The following SND1 variants were observed in gnomAD, a reference collection of about 807,000 sequenced individuals.
SND1 encodes staphylococcal nuclease and tudor domain containing 1.
Under a neutral mutation model 121.7 loss-of-function variants are expected in SND1, and 38 were observed. The observed-to-expected ratio is 0.31, with a 90% CI of 0.24 to 0.41. The LOEUF is 0.41. Ranked by LOEUF, SND1 falls within the 10% of genes least tolerant of loss-of-function variation. The probability of loss-of-function intolerance (pLI) is 1.00; values close to 1 mark genes in which losing one functional copy is unlikely to be tolerated. For missense variants in SND1, 868 were observed against 1,184.6 expected (o/e 0.73, Z 3.92); for synonymous variants, 401 against 447.4 (o/e 0.90, Z 1.31).
At chr7:128,069,392 T>C (rs1362612841) in intron 16 of SND1, among the ~76,000 whole-genome samples, 2 of 152,140 alleles carry the variant, frequency 1.3e-5, no homozygotes, top group Admixed American at 6.5e-5. Context: ...ACAGGACCCC[T>C]CCTCATTTTA....
chr7:127,974,560 C>T (rs1802070504), intron 15 of SND1, among the ~76,000 whole-genome samples: 1 of 152,158 alleles, frequency 6.6e-6, no homozygotes, highest in Non-Finnish European at 1.5e-5. Flanking sequence ...GTCCAAAATA[C>T]TGACATTATT....
chr7:127,773,366 C>T (rs1384271705), intron 10 of SND1, among the ~76,000 whole-genome samples: 8 of 151,846 alleles, frequency 5.3e-5, no homozygotes, highest in East Asian at 3.9e-4. Context: ...GTAGAGGAAT[C>T]GCGTGAATCC....
In SND1 at chr7:128,074,600, G is replaced by C. The variant is rs762377202; in HGVS notation, c.1878G>C (p.Ala626=). 6.2e-7 allele frequency: 1 copy of C among 1,613,684 alleles called. No individual in the cohort carries two copies. The highest frequency in any genetic ancestry group is 1.7e-5 in the Admixed American group (1 of 59,982). Residue 626 remains alanine (A), a synonymous_variant, in exon 17 of 24, where the codon GCG becomes GCC. Coordinates refer to ENST00000354725, the MANE Select transcript of SND1 (RefSeq NM_014390.4). The part of the protein sequence containing the change: ...ANLSVLLVEH[A]LSKVHFTAER... The stretch of plus-strand genomic sequence containing the variant: ...TGTCCGTCCTGCTGGTGGAGCACGC[G>C]CTCTCCAAGGTCCACTTCACCGCCG...
intron 15 of SND1, among the ~76,000 whole-genome samples, chr7:127,972,027 G>A (rs573081493): frequency 1.1e-3 from 168 of 151,878 alleles, no homozygotes; most frequent in Non-Finnish European, 1.8e-3. Context: ...CACCCGCCTC[G>A]GCCTCCCAAA....
intron 10 of SND1, among the ~76,000 whole-genome samples, chr7:127,733,462 T>C (rs181924980): frequency 2.0e-5 from 3 of 152,338 alleles, no homozygotes; most frequent in Admixed American, 1.3e-4. Context: ...TTGTTATTTC[T>C]GGCTGCAGTT....
intron 12 of SND1, among the ~76,000 whole-genome samples, chr7:127,873,226 A>G (rs530783838): frequency 6.6e-6 from 1 of 152,216 alleles, no homozygotes; most frequent in South Asian, 2.1e-4. Context: ...TGGGTTAGGG[A>G]ACCTCACAGG....
intron 15 of SND1, among the ~76,000 whole-genome samples, chr7:127,985,097 C>T (rs1232398283): frequency 6.6e-6 from 1 of 152,212 alleles, no homozygotes; most frequent in Non-Finnish European, 1.5e-5. Flanking sequence ...AGCACCACTC[C>T]CTCCCTCTCT....
intron 1 of SND1, among the ~76,000 whole-genome samples, chr7:127,671,520 G>A (rs1795517613): frequency 6.6e-6 from 1 of 152,120 alleles, no homozygotes; most frequent in Non-Finnish European, 1.5e-5. Flanking sequence ...GTTTGGAGAT[G>A]GAGTCTTGCT....
intron 12 of SND1, among the ~76,000 whole-genome samples, chr7:127,847,397 C>T (rs1471866720): frequency 6.6e-6 from 1 of 152,160 alleles, no homozygotes; most frequent in East Asian, 1.9e-4. Context: ...AGCCTTTTAT[C>T]TTACTTAATG....
chr7:127,781,029 G>A (rs980160489), intron 10 of SND1, among the ~76,000 whole-genome samples: 1 of 152,114 alleles, frequency 6.6e-6, no homozygotes, highest in Non-Finnish European at 1.5e-5. Context: ...TTTGTTCTGC[G>A]GGACATCAAA....
intron 20 of SND1, 23 bp from the exon 21 acceptor site, chr7:128,086,912 ATGT>A (rs1793696348): frequency 1.9e-6 from 3 of 1,570,362 alleles, no homozygotes; most frequent in East Asian, 4.5e-5. Flanking sequence ...AGTATGTGAC[ATGT>A]TGGCCTGCTG....
chr7:128,084,398 C>T (rs1793654818), intron 18 of SND1, among the ~76,000 whole-genome samples: 2 of 152,236 alleles, frequency 1.3e-5, no homozygotes, highest in African/African-American at 4.8e-5. Context: ...TTTCTTTCTC[C>T]ACCTCCTTAA....
chr7:127,707,687 T>C (rs769157643), intron 9 of SND1, 40 bp downstream of exon 9: 1 of 1,504,538 alleles, frequency 6.6e-7, no homozygotes, highest in Non-Finnish European at 9.2e-7. Flanking sequence ...TAGTGGACAT[T>C]GCCAGGCGAG....
intron 10 of SND1, among the ~76,000 whole-genome samples, chr7:127,777,752 T>TCCTGGTGTCCAA (rs1797647354): frequency 6.6e-6 from 1 of 152,182 alleles, no homozygotes; most frequent in South Asian, 2.1e-4. Context: ...TTTGGACCAA[T>TCCTGGTGTCCAA]CTGGTGTCCA....
intron 16 of SND1, among the ~76,000 whole-genome samples, chr7:128,024,051 C>T (rs1219178966): frequency 8.4e-6 from 1 of 118,816 alleles, no homozygotes; most frequent in Non-Finnish European, 1.7e-5. Context: ...CTTGTAAGCA[C>T]TATGCTATAT....
intron 9 of SND1, among the ~76,000 whole-genome samples, chr7:127,714,491 T>G (rs1305346266): frequency 6.6e-6 from 1 of 152,220 alleles, no homozygotes; most frequent in East Asian, 1.9e-4. Flanking sequence ...AATGACAAAA[T>G]TCATAACATA....
intron 14 of SND1, among the ~76,000 whole-genome samples, chr7:127,909,415 G>T (rs558731589): frequency 6.6e-6 from 1 of 150,872 alleles, no homozygotes; most frequent in Non-Finnish European, 1.5e-5. Context: ...ACCTTTCTCC[G>T]TGACTGATTT....
At chr7:127,855,861 C>G (rs574473363) in intron 12 of SND1, among the ~76,000 whole-genome samples, 1 of 152,300 alleles carries the variant, frequency 6.6e-6, no homozygotes, top group Admixed American at 6.5e-5. Context: ...TGCTACCCAA[C>G]AGATTCTTTT....
intron 10 of SND1, among the ~76,000 whole-genome samples, chr7:127,764,228 A>G (rs1797367517): frequency 6.6e-6 from 1 of 152,176 alleles, no homozygotes; most frequent in Non-Finnish European, 1.5e-5. Flanking sequence ...GTTGCCATTG[A>G]CTTTTTACTT....
Sources: allele counts gnomAD v4.1 joint callset (sites outside exome capture counted in the v4.1 genomes callset), GRCh38; gene constraint gnomAD v4.1.1; transcripts MANE v1.5; gene names NCBI Gene and HGNC (gene_info 2026-07-23, HGNC 2026-07-21).